Variants in ATP9B observed in about 807,000 individuals in gnomAD.
ATP9B encodes the protein probable phospholipid-transporting ATPase IIB.
ATP9B carries 110 observed loss-of-function variants against 146.1 expected under a neutral mutation model. That is an observed-to-expected ratio of 0.75 (90% CI 0.65 to 0.88). The LOEUF (loss-of-function observed/expected upper bound fraction) is 0.88. Ranked by LOEUF, ATP9B falls within the 40% of genes least tolerant of loss-of-function variation. ATP9B has a pLI of 0.00. For missense variants in ATP9B, 1,499 were observed against 1,496.4 expected (o/e 1.00, Z -0.03); for synonymous variants, 604 against 569.7 (o/e 1.06, Z -0.86).
Position 79,377,527 on chromosome 18 carries a change from A to G in ATP9B, c.*144A>G. The G allele has an allele frequency of 1.8e-6, 2 of 1,099,594 alleles. No homozygotes were observed. The highest frequency in any genetic ancestry group is 2.6e-6 in the Non-Finnish European group (2 of 780,408). 68.1% of individuals were successfully genotyped at this position (1,099,594 alleles called of 1,614,324 possible). The stretch of plus-strand genomic sequence containing the variant: ...AGGGTACGCCAGGCGAGCCCAGGGC[A>G]CAGATGCTGAGACAGCCTCTCCTTC... On this transcript the variant is annotated 3_prime_UTR_variant, in exon 30 of 30. Transcript: ENST00000426216.
intron 14 of ATP9B, 52 bp from the exon 15 acceptor site, chr18:79,306,934 A>G: frequency 1.9e-6 from 3 of 1,594,254 alleles, no homozygotes; most frequent in Non-Finnish European, 2.6e-6. Flanking sequence ...CATGTTAACT[A>G]GATAGTTCTC....
intron 29 of ATP9B, 97 bp downstream of exon 29, chr18:79,375,523 AT>A: frequency 6.5e-7 from 1 of 1,538,238 alleles, no homozygotes; most frequent in South Asian, 1.2e-5. Flanking sequence ...CCTTCCTCTA[AT>A]TCAGTGTTCC....
intron 12 of ATP9B, among the ~76,000 whole-genome samples, chr18:79,269,857 G>A (rs1282746514): frequency 2.6e-5 from 4 of 152,212 alleles, no homozygotes; most frequent in Non-Finnish European, 4.4e-5. Flanking sequence ...TCACTGGCCT[G>A]CGCCTGCTGG....
chr18:79,156,960 CA>C lies in ATP9B; in HGVS notation c.778+2406del, dbSNP rs1663955361. Among the ~76,000 whole-genome samples, 4 of 152,284 alleles carry C rather than the reference CA, an allele frequency of 2.6e-5. No individual in the cohort carries two copies. The South Asian group carries it at 8.3e-4, about 32-fold the overall frequency. On this transcript the variant is annotated intron_variant, in intron 7 of 29. Coordinates refer to ENST00000426216, the MANE Select transcript of ATP9B (RefSeq NM_198531.5). ...AAAGGCTCATCTCCTCAACCACAGA[CA>C]GAGGCCAGAATACATAACCTTTGAT...
intron 12 of ATP9B, chr18:79,254,946 T>A (rs150556975): frequency 4.4e-5 from 3 of 68,334 alleles, no homozygotes; most frequent in African/African-American, 1.8e-4. Context: ...TGTAGATCTC[T>A]ATGACATTCA....
Position 79,348,153 on chromosome 18 carries a change from T to G in ATP9B, c.2860T>G (p.Tyr954Asp). The G allele has an allele frequency of 6.2e-7, 1 of 1,613,644 alleles. No homozygotes were observed. Among genetic ancestry groups the G allele is most frequent in the Non-Finnish European group, 8.5e-7 (1 of 1,179,958 alleles). ...TMQAVFSSVFYFASVPLYQGF... is the reference protein window; with the variant it reads ...TMQAVFSSVFDFASVPLYQGF... ...CCAGGCTGTGTTTTCCTCAGTCTTCTACTTCGCATCCGTCCCTTTGTATCA... is the reference window on the plus strand; with the variant it reads ...CCAGGCTGTGTTTTCCTCAGTCTTCGACTTCGCATCCGTCCCTTTGTATCA... Residue 954 changes from tyrosine (Y) to aspartate (D), a missense_variant, in exon 25 of 30, where the codon TAC (tyrosine) becomes GAC (aspartate). Transcript: ENST00000426216.
intron 7 of ATP9B, among the ~76,000 whole-genome samples, chr18:79,171,660 C>G (rs530196838): frequency 2.6e-5 from 4 of 152,200 alleles, no homozygotes; most frequent in African/African-American, 9.6e-5. Flanking sequence ...GTTATTTCAT[C>G]TTGAGTGTGG....
At chr18:79,211,530 A>G (rs930937181) in intron 10 of ATP9B, among the ~76,000 whole-genome samples, 1 of 152,194 alleles carries the variant, frequency 6.6e-6, no homozygotes, top group African/African-American at 2.4e-5. Context: ...AAATGTGGTC[A>G]TATTTTATGC....
intron 26 of ATP9B, 81 bp downstream of exon 26, chr18:79,359,543 A>G (rs1319488849): frequency 2.8e-6 from 3 of 1,061,994 alleles, no homozygotes; most frequent in African/African-American, 1.6e-5. Flanking sequence ...CAGGCCAGTC[A>G]GGAGGCATTT....
intron 7 of ATP9B, among the ~76,000 whole-genome samples, chr18:79,169,378 C>T (rs889390364): frequency 6.6e-6 from 1 of 152,132 alleles, no homozygotes; most frequent in African/African-American, 2.4e-5. Context: ...TAGAGTAATG[C>T]TTTCAGTATA....
Position 79,373,954 on chromosome 18 carries a change from G to A in ATP9B, c.3127G>A (p.Val1043Met), listed in dbSNP as rs1276192606. The change falls in exon 28 of 30, where the codon GTG becomes ATG. Residue 1043 changes from valine to methionine, a missense_variant. Val to Met is a conservative substitution (Grantham distance 21). Coordinates refer to ENST00000426216, the MANE Select transcript of ATP9B (RefSeq NM_198531.5). ...VLFESEFVHV[V>M]AISFTALILT... ...CTTCGAGTCTGAGTTCGTCCACGTGGTGGCCATCTCCTTCACCGCACTGAT... is the reference window on the plus strand; with the variant it reads ...CTTCGAGTCTGAGTTCGTCCACGTGATGGCCATCTCCTTCACCGCACTGAT... 6.2e-7 allele frequency: 1 copy of A among 1,613,746 alleles called. No individual in the cohort carries two copies. The highest frequency in any genetic ancestry group is 8.5e-7 in the Non-Finnish European group (1 of 1,180,036).
At chr18:79,200,762 C>CTGTCGGGGTCAGA (rs376428579) in intron 9 of ATP9B, among the ~76,000 whole-genome samples, 1 of 26,786 alleles carries the variant, frequency 3.7e-5, no homozygotes, top group South Asian at 1.3e-3. Flanking sequence ...GAGGTGGGAA[C>CTGTCGGGGTCAGA]GTTGGGGTCA....
intron 11 of ATP9B, among the ~76,000 whole-genome samples, chr18:79,237,231 C>T (rs1205000170): frequency 5.7e-5 from 8 of 139,202 alleles, no homozygotes; most frequent in Admixed American, 1.4e-4. Context: ...CCCCCTTCCC[C>T]ACTGTGTACA....
At chr18:79,197,461 A>G (rs1262015424) in intron 9 of ATP9B, among the ~76,000 whole-genome samples, 2 of 152,166 alleles carry the variant, frequency 1.3e-5, no homozygotes, top group East Asian at 3.8e-4. Flanking sequence ...TTAAGGTCAT[A>G]TAACTAAAAA....
intron 9 of ATP9B, among the ~76,000 whole-genome samples, chr18:79,203,460 T>A (rs2148307585): frequency 6.6e-6 from 1 of 152,344 alleles, no homozygotes; most frequent in South Asian, 2.1e-4. Flanking sequence ...GGCAGGTGAC[T>A]CATTATAGCA....
intron 8 of ATP9B, among the ~76,000 whole-genome samples, chr18:79,179,584 G>C (rs1352474943): frequency 1.3e-5 from 2 of 151,790 alleles, no homozygotes; most frequent in Non-Finnish European, 2.9e-5. Flanking sequence ...ACTGTTATTT[G>C]CTAAACAGTT....
chr18:79,223,012 A>G (rs1423246018), intron 11 of ATP9B, among the ~76,000 whole-genome samples: 1 of 152,234 alleles, frequency 6.6e-6, no homozygotes, highest in Non-Finnish European at 1.5e-5. Flanking sequence ...GGATGAAATG[A>G]TAATACAAAT....
At chr18:79,154,382 T>G in intron 6 of ATP9B, 122 bp from the exon 7 acceptor site, 2 of 672,954 alleles carry the variant, frequency 3.0e-6, no homozygotes, top group Non-Finnish European at 5.0e-6. Flanking sequence ...TGTTAGTTAT[T>G]TCAGCACAAT....
intron 13 of ATP9B, among the ~76,000 whole-genome samples, chr18:79,281,490 TC>T (rs1398746077): frequency 6.7e-6 from 1 of 149,552 alleles, no homozygotes; most frequent in African/African-American, 2.5e-5. Context: ...GGAGTAAAAC[TC>T]CATTTCAAAA....
Sources: gnomAD v4.1 joint callset for allele counts (sites outside exome capture counted in the v4.1 genomes callset) on GRCh38, gnomAD v4.1.1 for gene constraint, MANE v1.5 for transcripts, NCBI Gene and HGNC (gene_info 2026-07-23, HGNC 2026-07-21) for gene names.